The following MICU1 variants were observed in gnomAD, a reference collection of about 807,000 sequenced individuals.
MICU1 encodes mitochondrial calcium uptake 1.
Under a neutral mutation model 56.8 loss-of-function variants are expected in MICU1, and 45 were observed. The ratio of observed to expected loss-of-function variants is 0.79; its 90% CI spans 0.62 to 1.02. The LOEUF (loss-of-function observed/expected upper bound fraction) is 1.02. MICU1 is among the 50% of genes least tolerant of loss of function. The pLI is 0.00. For synonymous variants in MICU1, 186 were observed against 195.1 expected (o/e 0.95, Z 0.39); for missense variants, 504 against 587.1 (o/e 0.86, Z 1.46).
chr10:72,515,991 CAGT>C (rs1867634409), intron 5 of MICU1, among the ~76,000 whole-genome samples: 1 of 152,158 alleles, frequency 6.6e-6, no homozygotes, highest in Non-Finnish European at 1.5e-5. Flanking sequence ...CTGTAATCAT[CAGT>C]AGTTCACTTT....
At chr10:72,447,162 C>T (rs1865131127) in intron 8 of MICU1, among the ~76,000 whole-genome samples, 1 of 152,172 alleles carries the variant, frequency 6.6e-6, no homozygotes, top group African/African-American at 2.4e-5. Flanking sequence ...TTTACGGAAA[C>T]AGGAGCAGTA....
At chr10:72,605,073 A>G (rs1841648988) in intron 1 of MICU1, among the ~76,000 whole-genome samples, 1 of 152,226 alleles carries the variant, frequency 6.6e-6, no homozygotes, top group Admixed American at 6.5e-5. Flanking sequence ...GACTGGTTTC[A>G]TAAGATACAG....
intron 10 of MICU1, among the ~76,000 whole-genome samples, chr10:72,382,726 T>C (rs995900670): frequency 1.3e-5 from 2 of 151,978 alleles, no homozygotes; most frequent in Non-Finnish European, 2.9e-5. Context: ...CTGGCCAACA[T>C]GGCGAAACCC....
intron 9 of MICU1, among the ~76,000 whole-genome samples, chr10:72,418,630 A>G (rs1864061160): frequency 6.6e-6 from 1 of 152,196 alleles, no homozygotes; most frequent in South Asian, 2.1e-4. Flanking sequence ...TAATACCACC[A>G]CTAGGACCTT....
At chr10:72,487,902 A>G (rs939053549) in intron 6 of MICU1, among the ~76,000 whole-genome samples, 3 of 152,150 alleles carry the variant, frequency 2.0e-5, no homozygotes, top group Admixed American at 2.0e-4. Flanking sequence ...TCTTCAGTTA[A>G]TAATGTAAAA....
At chr10:72,609,920 A>T (rs1841797035) in intron 1 of MICU1, among the ~76,000 whole-genome samples, 1 of 151,748 alleles carries the variant, frequency 6.6e-6, no homozygotes, top group South Asian at 2.1e-4. Context: ...CTGTAATCCT[A>T]GCTAGTCCGG....
chr10:72,411,333 T>TTC (rs1797328128), intron 9 of MICU1, among the ~76,000 whole-genome samples: 1 of 148,420 alleles, frequency 6.7e-6, no homozygotes, highest in African/African-American at 2.4e-5. Flanking sequence ...TTACTTTTCT[T>TTC]TTTTTTTTTT....
intron 8 of MICU1, among the ~76,000 whole-genome samples, chr10:72,431,816 C>T (rs920579549): frequency 7.2e-5 from 11 of 152,134 alleles, no homozygotes; most frequent in African/African-American, 2.2e-4. Flanking sequence ...TATCAATTTG[C>T]AATCCCACTA....
intron 5 of MICU1, among the ~76,000 whole-genome samples, chr10:72,522,762 A>G (rs988154992): frequency 2.6e-5 from 4 of 152,190 alleles, no homozygotes; most frequent in African/African-American, 9.7e-5. Flanking sequence ...GCAAAGAAGC[A>G]AGCAAGAAAT....
At chr10:72,585,994 A>ATTT (rs1276935862) in intron 1 of MICU1, among the ~76,000 whole-genome samples, 3 of 100,188 alleles carry the variant, frequency 3.0e-5, no homozygotes, top group South Asian at 3.3e-4. Flanking sequence ...TATTGTTTTT[A>ATTT]TTTTTTCTTT....
chr10:72,607,372 G>C (rs1367446514), intron 1 of MICU1, among the ~76,000 whole-genome samples: 1 of 149,878 alleles, frequency 6.7e-6, no homozygotes, highest in African/African-American at 2.5e-5. Context: ...TGGGCGCAGT[G>C]GCTCACGCCT....
intron 8 of MICU1, among the ~76,000 whole-genome samples, chr10:72,456,898 T>C: frequency 9.0e-6 from 1 of 110,904 alleles, no homozygotes. Context: ...TGTGTGTGTG[T>C]GTGTTTTGTT....
Position 72,380,783 on chromosome 10 carries a change from A to G in MICU1, c.1181-4911T>C, listed in dbSNP as rs370566656. 1.7e-4 allele frequency among the ~76,000 whole-genome samples: 26 copies of G among 152,344 alleles called. No homozygotes were observed. In the East Asian group the frequency reaches 4.8e-3, roughly 28 times the overall value. On this transcript the variant is annotated intron_variant, in intron 10 of 11. Coordinates refer to ENST00000361114, the MANE Select transcript of MICU1 (RefSeq NM_001195518.2). ...CACATGATCCCTTCCATATATGGACAATATCAATTCCTCCATGACATGAAT... is the reference window on the plus strand; with the variant it reads ...CACATGATCCCTTCCATATATGGACGATATCAATTCCTCCATGACATGAAT...
At chr10:72,523,769 GC>G in intron 5 of MICU1, 1 of 1,389,796 alleles carries the variant, frequency 7.2e-7, no homozygotes, top group Non-Finnish European at 9.4e-7. Flanking sequence ...CCATTAAAGA[GC>G]CCAAGCCTTC....
At chr10:72,535,124 G>T (rs1839601396) in intron 4 of MICU1, among the ~76,000 whole-genome samples, 1 of 151,496 alleles carries the variant, frequency 6.6e-6, no homozygotes, top group Non-Finnish European at 1.5e-5. Context: ...CCACCTCCTG[G>T]GTTCAAGTGA....
At chr10:72,410,949 G>A (rs772587976) in intron 9 of MICU1, among the ~76,000 whole-genome samples, 1 of 152,282 alleles carries the variant, frequency 6.6e-6, no homozygotes, top group Middle Eastern at 3.4e-3. Flanking sequence ...ACACATAAAG[G>A]TGGAGGCAAC....
chr10:72,623,640 G>C (rs776448490), intron 1 of MICU1, among the ~76,000 whole-genome samples: 5 of 152,160 alleles, frequency 3.3e-5, no homozygotes, highest in Non-Finnish European at 2.9e-5. Flanking sequence ...TCAGGAGTTC[G>C]AGACTAGCCT....
chr10:72,553,756 A>T (rs1017892757), intron 3 of MICU1, among the ~76,000 whole-genome samples: 8 of 152,232 alleles, frequency 5.3e-5, no homozygotes, highest in African/African-American at 1.9e-4. Context: ...CGTTTTTGAA[A>T]TAATAGGTCA....
At chr10:72,428,103 C>G (rs1161977534) in intron 8 of MICU1, among the ~76,000 whole-genome samples, 2 of 152,132 alleles carry the variant, frequency 1.3e-5, no homozygotes, top group Admixed American at 1.3e-4. Context: ...TTTTCTTGAT[C>G]TTTAAAGAGG....
Sources: gnomAD v4.1 joint callset for allele counts (sites outside exome capture counted in the v4.1 genomes callset) on GRCh38, gnomAD v4.1.1 for gene constraint, MANE v1.5 for transcripts, NCBI Gene and HGNC (gene_info 2026-07-23, HGNC 2026-07-21) for gene names.